SPTBN4: variants seen among roughly 807,000 people sequenced by gnomAD.
SPTBN4 encodes the protein spectrin beta chain, non-erythrocytic 4.
A neutral mutation model predicts 277.8 loss-of-function variants in SPTBN4; 96 were observed. The ratio of observed to expected loss-of-function variants is 0.35; its 90% confidence interval spans 0.29 to 0.41. The LOEUF (loss-of-function observed/expected upper bound fraction) is 0.41. Ranked by LOEUF, SPTBN4 falls within the 10% of genes least tolerant of loss-of-function variation. The pLI is 1.00. For missense variants in SPTBN4, 3,006 were observed against 3,595.7 expected, an observed-to-expected ratio of 0.84 and a Z score of 4.19; for synonymous variants, 1,481 against 1,580.3, an observed-to-expected ratio of 0.94 and a Z score of 1.49.
intron 18 of SPTBN4, among the ~76,000 whole-genome samples, chr19:40,532,188 G>A (rs2080683057): frequency 6.6e-6 from 1 of 151,766 alleles, no homozygotes; most frequent in African/African-American, 2.4e-5. Flanking sequence ...TCCTTATTGG[G>A]GGGTGGCTAA....
At chr19:40,536,010 A>T (rs548729419) in intron 20 of SPTBN4, among the ~76,000 whole-genome samples, 1 of 152,116 alleles carries the variant, frequency 6.6e-6, no homozygotes, top group Admixed American at 6.5e-5. Context: ...TGTGCCCGGC[A>T]CTTTTCTGGG....
chr19:40,519,120 A>G lies in SPTBN4; in HGVS notation c.2904-281A>G, dbSNP rs1026733235. 1.3e-5 allele frequency among the ~76,000 whole-genome samples: 2 copies of G among 152,154 alleles called. No homozygotes were observed. Among genetic ancestry groups the G allele is most frequent in the African/African-American group, 4.8e-5 (2 of 41,428 alleles). ...TCTCCTGCCGCCTCTGGAAAACTCC[A>G]CTGAACACTCGGGAAAGAATGAGAG... is the stretch of plus-strand genomic sequence containing the variant. On this transcript the variant is annotated intron_variant, in intron 15 of 35. Transcript: ENST00000598249. This position sits in a 1 kb window ranked among gnomAD's most constrained non-coding sequence, Gnocchi z 5.7.
intron 16 of SPTBN4, among the ~76,000 whole-genome samples, chr19:40,521,413 G>A (rs1006727668): frequency 2.0e-5 from 3 of 152,174 alleles, no homozygotes; most frequent in Admixed American, 2.0e-4. Flanking sequence ...TGTAGAATCA[G>A]TGGGAGTCCT....
At chr19:40,497,780 T>C (rs1383149488) in intron 7 of SPTBN4, among the ~76,000 whole-genome samples, 176 bp downstream of exon 7, 2 of 151,018 alleles carry the variant, frequency 1.3e-5, no homozygotes, top group African/African-American at 2.4e-5. Flanking sequence ...GTGCCTCCCC[T>C]TCCTCATGTG....
intron 18 of SPTBN4, chr19:40,530,664 T>G (rs1476334390): frequency 9.2e-5 from 55 of 598,082 alleles, no homozygotes; most frequent in South Asian, 2.3e-4. Context: ...CTCGGGCGCG[T>G]GCCCGCCCGT....
At chr19:40,547,277 G>A (rs951491408) in intron 20 of SPTBN4, among the ~76,000 whole-genome samples, 29 of 150,412 alleles carry the variant, frequency 1.9e-4, no homozygotes, top group Admixed American at 1.7e-3. Context: ...AGAACGTGTG[G>A]TGTTTGGTTT....
intron 14 of SPTBN4, among the ~76,000 whole-genome samples, chr19:40,514,778 G>A (rs1031224069): frequency 6.6e-6 from 1 of 152,154 alleles, no homozygotes; most frequent in African/African-American, 2.4e-5. Context: ...GAGGGCTCAG[G>A]GTGGAGTTGC....
chr19:40,543,923 T>C (rs1266682318), intron 20 of SPTBN4, among the ~76,000 whole-genome samples: 2 of 152,186 alleles, frequency 1.3e-5, no homozygotes, highest in African/African-American at 4.8e-5. Context: ...ATTTTCATGG[T>C]GAAGACATCA....
chr19:40,499,002 G>A (rs1436998474), intron 7 of SPTBN4, among the ~76,000 whole-genome samples: 1 of 151,594 alleles, frequency 6.6e-6, no homozygotes, highest in African/African-American at 2.4e-5. Flanking sequence ...GTGCCTGGAC[G>A]TTTTATTTAT....
chr19:40,473,408 A>G (rs2079910168), intron 2 of SPTBN4, among the ~76,000 whole-genome samples: 1 of 126,802 alleles, frequency 7.9e-6, no homozygotes, highest in African/African-American at 3.1e-5. Context: ...CCCAGGCTGG[A>G]GTGCAGTGGC....
chr19:40,565,173 G>A (rs896843663), intron 27 of SPTBN4, among the ~76,000 whole-genome samples: 2 of 151,916 alleles, frequency 1.3e-5, no homozygotes, highest in Non-Finnish European at 2.9e-5. Flanking sequence ...GCTGAGGCAG[G>A]AGAATCGCCT....
intron 2 of SPTBN4, among the ~76,000 whole-genome samples, chr19:40,473,354 G>GTTT (rs61584591): frequency 0.1 from 10,095 of 98,832 alleles, 741 homozygotes; most frequent in South Asian, 0.17. Context: ...CTGGCCTGGT[G>GTTT]TTTTTTTTTT....
intron 20 of SPTBN4, among the ~76,000 whole-genome samples, chr19:40,535,263 G>T (rs114585515): frequency 0.014 from 2,084 of 152,096 alleles, 45 homozygotes; most frequent in African/African-American, 0.047. Context: ...TCACCATATT[G>T]CCTAGGGTAG....
At chr19:40,534,457 C>G in intron 20 of SPTBN4, 114 bp downstream of exon 20, 1 of 1,348,360 alleles carries the variant, frequency 7.4e-7, no homozygotes, top group Non-Finnish European at 1.0e-6. Context: ...GGATTTATTT[C>G]AAACTTGTAG....
Position 40,529,144 on chromosome 19 carries a change from G to A in SPTBN4, c.3948+13G>A. On this transcript the variant is annotated intron_variant, in intron 18 of 35. Transcript: ENST00000598249. ...AGACTGCCACGAGGTAGGAACTCCA[G>A]GTGTGCTGGGGACGGAGACATCCCC... 1 of 1,611,498 alleles carries A rather than the reference G, an allele frequency of 6.2e-7. No individual in the cohort carries two copies. Among genetic ancestry groups the A allele is most frequent in the South Asian group, 1.1e-5 (1 of 91,022 alleles).
chr19:40,469,121 T>C (rs542818158), intron 1 of SPTBN4, among the ~76,000 whole-genome samples: 2 of 151,774 alleles, frequency 1.3e-5, no homozygotes, highest in East Asian at 1.9e-4. Context: ...AAGATTTCAA[T>C]GTGTCCCCCT....
Position 40,532,876 on chromosome 19 carries a change from C to T in SPTBN4, c.4095+105C>T, listed in dbSNP as rs141512808. On this transcript the variant is annotated intron_variant, in intron 19 of 35. Coordinates refer to ENST00000598249, the MANE Select transcript of SPTBN4 (RefSeq NM_020971.3). ...CTGCTGCCATCCTGCTGGTCTTACA[C>T]CTCTGGACTGACTCAAATCAGCTCC... The T allele has an allele frequency of 8.8e-6, 12 of 1,362,248 alleles. No individual in the cohort carries two copies. In the South Asian group the frequency reaches 1.9e-4, roughly 22 times the overall value. 84.4% of individuals were successfully genotyped at this position (1,362,248 alleles called of 1,614,324 possible).
chr19:40,500,078 A>AC lies in SPTBN4; in HGVS notation c.785-1842dup, dbSNP rs1195655149. 2.9e-4 allele frequency among the ~76,000 whole-genome samples: 44 copies of AC among 151,674 alleles called. 1 individual carries two copies. The highest frequency in any genetic ancestry group is 2.2e-4 in the Non-Finnish European group (15 of 67,904). On this transcript the variant is annotated intron_variant, in intron 7 of 35. Transcript: ENST00000598249. Reference sequence around the variant, plus strand: ...GGCAATGTAGTGAAATCCCATATCTACAAACCTGTAGTCCCAGCTACACAG... The same window carrying AC: ...GGCAATGTAGTGAAATCCCATATCTACCAAACCTGTAGTCCCAGCTACACAG...
rs2080959504 is a variant in SPTBN4 at position 40,554,818 on chromosome 19, C to A, written c.5084+172C>A. On this transcript the variant is annotated intron_variant, in intron 24 of 35. Coordinates refer to ENST00000598249, the MANE Select transcript of SPTBN4 (RefSeq NM_020971.3). This position sits in a 1 kb window ranked among gnomAD's most constrained non-coding sequence, Gnocchi z 5.7. ...CGGGCCGGAATGGGGGGACACGGCT[C>A]AGGGATGGTTGAGAGGGTGGGGCCA... The A allele has an allele frequency of 1.0e-6, 1 of 989,242 alleles. No homozygotes were observed. The highest frequency in any genetic ancestry group is 1.5e-6 in the Non-Finnish European group (1 of 672,262). The allele number at this position is 989,242 out of a possible 1,614,324, so 61.3% of individuals were successfully genotyped here. A position where few individuals can be genotyped will look rare whatever the true frequency, so the allele number is the denominator to read the frequency against.
Sources: allele counts gnomAD v4.1 joint callset (sites outside exome capture counted in the v4.1 genomes callset), GRCh38; gene constraint gnomAD v4.1.1; non-coding constraint Gnocchi (gnomAD v3.1); transcripts MANE v1.5; gene names NCBI Gene and HGNC (gene_info 2026-07-23, HGNC 2026-07-21).